Variants in LRRFIP1 observed in about 807,000 individuals in gnomAD.
LRRFIP1 encodes leucine-rich repeat flightless-interacting protein 1.
Under a neutral mutation model 104.4 loss-of-function variants are expected in LRRFIP1, and 62 were observed. That is an observed-to-expected ratio of 0.59 (90% CI 0.48 to 0.73). The LOEUF is 0.73. Ranked by LOEUF, LRRFIP1 falls within the 30% of genes least tolerant of loss-of-function variation. The pLI, the probability that LRRFIP1 is intolerant of heterozygous loss-of-function variation, is 0.00. For missense variants in LRRFIP1, 796 were observed against 824.5 expected (o/e 0.97, Z 0.42); for synonymous variants, 300 against 299.0 (o/e 1.00, Z -0.03).
intron 1 of LRRFIP1, among the ~76,000 whole-genome samples, chr2:237,657,632 G>A (rs1008755906): frequency 6.6e-6 from 1 of 152,164 alleles, no homozygotes; most frequent in Non-Finnish European, 1.5e-5. Flanking sequence ...TGACAGAATT[G>A]TTCACGCTTC....
intron 1 of LRRFIP1, among the ~76,000 whole-genome samples, chr2:237,653,662 G>A (rs1025706888): frequency 6.6e-6 from 1 of 152,186 alleles, no homozygotes; most frequent in Non-Finnish European, 1.5e-5. Flanking sequence ...AACAGAAACA[G>A]GTGGACCAGT....
At chr2:237,666,938 TTCTTTCTTTTTC>T (rs1354881606) in intron 1 of LRRFIP1, among the ~76,000 whole-genome samples, 2 of 144,704 alleles carry the variant, frequency 1.4e-5, no homozygotes, top group African/African-American at 5.0e-5. Flanking sequence ...CTTTCTTTCT[TTCTTTCTTTTTC>T]TTTCTTTCTT....
At chr2:237,671,771 C>T (rs569218498) in intron 1 of LRRFIP1, among the ~76,000 whole-genome samples, 74 of 151,656 alleles carry the variant, frequency 4.9e-4, no homozygotes, top group Admixed American at 2.1e-3. Flanking sequence ...TGTGCACACA[C>T]GTGTGCATGC....
At chr2:237,738,946 G>A (rs1441769194) in intron 10 of LRRFIP1, among the ~76,000 whole-genome samples, 2 of 152,248 alleles carry the variant, frequency 1.3e-5, no homozygotes, top group Non-Finnish European at 2.9e-5. Context: ...TCTACACTAG[G>A]TGTGACTGCA....
At chr2:237,741,043 G>A (rs1221719528) in intron 11 of LRRFIP1, among the ~76,000 whole-genome samples, 1 of 152,168 alleles carries the variant, frequency 6.6e-6, no homozygotes, top group African/African-American at 2.4e-5. Context: ...CTGCCCACCT[G>A]GCCTCACAGG....
chr2:237,752,941 A>G (rs1341754774), intron 14 of LRRFIP1, among the ~76,000 whole-genome samples: 1 of 152,182 alleles, frequency 6.6e-6, no homozygotes, highest in Non-Finnish European at 1.5e-5. Context: ...GATTCTTCAG[A>G]AATCTGTTGA....
At chr2:237,692,199 C>T (rs927099643) in intron 1 of LRRFIP1, 1 of 1,060,242 alleles carries the variant, frequency 9.4e-7, no homozygotes, top group Non-Finnish European at 1.1e-6. Context: ...GTCCCGCTTC[C>T]CCGGCGCCCT....
At chr2:237,705,617 T>C (rs1304058240) in intron 1 of LRRFIP1, among the ~76,000 whole-genome samples, 3 of 151,086 alleles carry the variant, frequency 2.0e-5, no homozygotes, top group Non-Finnish European at 4.4e-5. Flanking sequence ...TGAGCTGTGA[T>C]CACGCCACTG....
At chr2:237,685,660 A>G (rs897918802) in intron 1 of LRRFIP1, among the ~76,000 whole-genome samples, 3 of 152,024 alleles carry the variant, frequency 2.0e-5, no homozygotes, top group African/African-American at 4.8e-5. Flanking sequence ...CAGTGCCTGC[A>G]GCTCCCCTCC....
rs146819325 is a variant in LRRFIP1, at chr2:237,763,585, C to T, written c.1459+3380C>T. On this transcript the variant is annotated intron_variant, in intron 19 of 23. Coordinates refer to ENST00000308482, the MANE Select transcript of LRRFIP1 (RefSeq NM_001137550.2). Reference sequence around the variant, plus strand: ...GAAAGTCAGCAGTGGAAGCCCAAAACGAGGTGACTGAAAATCCAAAACAGA... The same window carrying T: ...GAAAGTCAGCAGTGGAAGCCCAAAATGAGGTGACTGAAAATCCAAAACAGA... The T allele has an allele frequency of 8.5e-4, 1,364 of 1,613,126 alleles. 2 individuals carry two copies. Among genetic ancestry groups the T allele is most frequent in the African/African-American group, 5.9e-3 (444 of 74,932 alleles).
intron 1 of LRRFIP1, among the ~76,000 whole-genome samples, chr2:237,702,047 A>T (rs1036729064): frequency 2.0e-5 from 3 of 152,134 alleles, no homozygotes; most frequent in African/African-American, 7.2e-5. Flanking sequence ...CTTGGGCTCC[A>T]CAGCAGGCTG....
intron 1 of LRRFIP1, among the ~76,000 whole-genome samples, chr2:237,632,228 T>G (rs2082472835): frequency 6.6e-6 from 1 of 152,198 alleles, no homozygotes; most frequent in Non-Finnish European, 1.5e-5. Flanking sequence ...ACTCCAGTTG[T>G]GGAGAAGGGG....
intron 1 of LRRFIP1, among the ~76,000 whole-genome samples, chr2:237,675,280 CT>C (rs1380466639): frequency 6.6e-6 from 1 of 152,218 alleles, no homozygotes; most frequent in Non-Finnish European, 1.5e-5. Context: ...TGTTTAGGGG[CT>C]GCCTGTATTG....
At chr2:237,737,342 G>A (rs1371516790) in intron 10 of LRRFIP1, among the ~76,000 whole-genome samples, 2 of 152,134 alleles carry the variant, frequency 1.3e-5, no homozygotes, top group Non-Finnish European at 2.9e-5. Flanking sequence ...CCGGGCTAAG[G>A]AACTTCCACA....
intron 1 of LRRFIP1, among the ~76,000 whole-genome samples, chr2:237,632,614 A>G (rs1575004788): frequency 6.6e-6 from 1 of 151,956 alleles, no homozygotes; most frequent in Non-Finnish European, 1.5e-5. Context: ...TCCTATATCA[A>G]CCTGTGCGGA....
chr2:237,737,489 G>A (rs137964446), intron 10 of LRRFIP1, among the ~76,000 whole-genome samples: 20 of 152,304 alleles, frequency 1.3e-4, no homozygotes, highest in African/African-American at 1.4e-4. Flanking sequence ...TCTTTTCTGC[G>A]TGATTAGGTC....
chr2:237,639,031 T>C (rs2083508772), intron 1 of LRRFIP1, among the ~76,000 whole-genome samples: 1 of 152,154 alleles, frequency 6.6e-6, no homozygotes, highest in Admixed American at 6.5e-5. Flanking sequence ...AGGAATGCTA[T>C]CGTGTGGGGC....
intron 19 of LRRFIP1, chr2:237,769,604 C>A: frequency 3.8e-6 from 1 of 266,370 alleles, no homozygotes; most frequent in Middle Eastern, 1.2e-3. Context: ...TTGTACATTG[C>A]TAATAATGTT....
Position 237,753,458 on chromosome 2 carries a change from G to A in LRRFIP1, c.1017G>A (p.Arg339=). 1 of 1,589,888 alleles carries A rather than the reference G, an allele frequency of 6.3e-7. No homozygotes were observed. Among genetic ancestry groups the A allele is most frequent in the East Asian group, 2.2e-5 (1 of 44,518 alleles). The part of the protein sequence containing the change: ...ELEEQLAESR[R]QYEEKNKEFE... ...AAGAACAGCTGGCTGAATCTAGGCG[G>A]CAGTACGAAGAGAAAAACAAAGTAA... The change falls in exon 15 of 24, where the codon CGG becomes CGA. Residue 339 remains arginine (R), a synonymous_variant. Coordinates refer to ENST00000308482, the MANE Select transcript of LRRFIP1 (RefSeq NM_001137550.2).
Sources: gnomAD v4.1 joint callset for allele counts (sites outside exome capture counted in the v4.1 genomes callset) on GRCh38, gnomAD v4.1.1 for gene constraint, MANE v1.5 for transcripts, NCBI Gene and HGNC (gene_info 2026-07-23, HGNC 2026-07-21) for gene names.